Variants in RTKN2 observed in about 807,000 individuals in gnomAD.
RTKN2 encodes the protein rhotekin-2.
RTKN2 carries 69 observed loss-of-function variants against 71.5 expected under a neutral mutation model. The observed-to-expected ratio is 0.96, with a 90% CI of 0.79 to 1.18. The LOEUF (loss-of-function observed/expected upper bound fraction) is 1.18. RTKN2 is among the 50% of genes most tolerant of loss of function. RTKN2 has a pLI of 0.00. For missense variants in RTKN2, 724 were observed against 719.7 expected (o/e 1.01, Z -0.07); for synonymous variants, 236 against 236.5 (o/e 1.00, Z 0.02).
At chr10:62,257,363 A>C (rs887546435) in intron 2 of RTKN2, among the ~76,000 whole-genome samples, 12 of 152,352 alleles carry the variant, frequency 7.9e-5, no homozygotes, top group African/African-American at 2.9e-4. Flanking sequence ...TTTGGATGGT[A>C]CTAGAAGTAA....
downstream of RTKN2, among the ~76,000 whole-genome samples, chr10:62,192,950 G>A (rs796083533): frequency 3.3e-5 from 5 of 152,136 alleles, no homozygotes; most frequent in African/African-American, 1.2e-4. Context: ...GTATGAGTAT[G>A]TATGTATGTA....
chr10:62,262,491 A>G (rs1453758814), intron 2 of RTKN2, 134 bp downstream of exon 2: 2 of 585,442 alleles, frequency 3.4e-6, no homozygotes, highest in Non-Finnish European at 5.8e-6. Flanking sequence ...TTATGATGTC[A>G]GCTGCTACTT....
intron 2 of RTKN2, among the ~76,000 whole-genome samples, chr10:62,256,990 C>T (rs1334539145): frequency 6.6e-6 from 1 of 152,034 alleles, no homozygotes; most frequent in African/African-American, 2.4e-5. Flanking sequence ...ATAATTAACT[C>T]CTATTAAATT....
chr10:62,221,206 G>A (rs1841898438), intron 7 of RTKN2, among the ~76,000 whole-genome samples: 2 of 151,496 alleles, frequency 1.3e-5, no homozygotes, highest in African/African-American at 2.4e-5. Context: ...TTGTTCTAAA[G>A]TCCTTGCATT....
rs545281953 is a variant in RTKN2 at position 62,197,288 on chromosome 10, G to A, written c.*620C>T. On this transcript the variant is annotated 3_prime_UTR_variant, in exon 12 of 12. Coordinates refer to ENST00000373789, the MANE Select transcript of RTKN2 (RefSeq NM_145307.4). ...CAACAGTATTTCAGGGCTCATCAAG[G>A]AAACAAGTTTGAATAGCACATTACA... The A allele has an allele frequency of 2.0e-6, 2 of 985,568 alleles. No individual in the cohort carries two copies. Among genetic ancestry groups the A allele is most frequent in the East Asian group, 2.3e-4 (2 of 8,814 alleles). The allele number at this position is 985,568 out of a possible 1,614,324, so 61.1% of individuals were successfully genotyped here.
At chr10:62,225,887 T>C (rs1284366101) in intron 6 of RTKN2, among the ~76,000 whole-genome samples, 2 of 151,742 alleles carry the variant, frequency 1.3e-5, no homozygotes, top group African/African-American at 4.8e-5. Context: ...GTTCATGCCA[T>C]TCTCCTCCCT....
At chr10:62,244,949 T>C (rs1842449787) in intron 3 of RTKN2, among the ~76,000 whole-genome samples, 1 of 152,200 alleles carries the variant, frequency 6.6e-6, no homozygotes, top group Non-Finnish European at 1.5e-5. Flanking sequence ...TAGGTGACAG[T>C]ACCTCAAATG....
At chr10:62,188,938 G>A (rs1174935310), downstream of RTKN2, among the ~76,000 whole-genome samples, 2 of 151,524 alleles carry the variant, frequency 1.3e-5, no homozygotes, top group East Asian at 1.9e-4. Context: ...TAGTAGAGAC[G>A]GGGGATTCAC....
chr10:62,209,389 G>A (rs1841614216), intron 9 of RTKN2, among the ~76,000 whole-genome samples: 2 of 2,238 alleles, frequency 8.9e-4, no homozygotes, highest in South Asian at 0.018. Context: ...TGTCTATGGT[G>A]TGTGTGTGTG....
intron 9 of RTKN2, among the ~76,000 whole-genome samples, chr10:62,216,716 A>G (rs1388887974): frequency 6.6e-6 from 1 of 152,106 alleles, no homozygotes; most frequent in Non-Finnish European, 1.5e-5. Context: ...CAATCCCATA[A>G]GAAATCAGAA....
intron 9 of RTKN2, among the ~76,000 whole-genome samples, chr10:62,213,018 A>G (rs1435126550): frequency 6.6e-6 from 1 of 152,194 alleles, no homozygotes; most frequent in Non-Finnish European, 1.5e-5. Flanking sequence ...GATACCAAGT[A>G]TTTATCCTGC....
At chr10:62,209,316 A>G (rs923523544) in intron 9 of RTKN2, among the ~76,000 whole-genome samples, 12 of 152,030 alleles carry the variant, frequency 7.9e-5, no homozygotes, top group Non-Finnish European at 1.5e-4. Flanking sequence ...GTATGCAACT[A>G]GAAAAATCCA....
At position 62,196,229 on chromosome 10, in the gene RTKN2, G is replaced by A; in HGVS notation, c.*1679C>T. 1.0e-6 allele frequency: 1 copy of A among 973,010 alleles called. No homozygotes were observed. Among genetic ancestry groups the A allele is most frequent in the Non-Finnish European group, 1.2e-6 (1 of 818,818 alleles). The allele number at this position is 973,010 out of a possible 1,614,324, so 60.3% of individuals were successfully genotyped here. A position where few individuals can be genotyped will look rare whatever the true frequency, so the allele number is the denominator to read the frequency against. On this transcript the variant is annotated 3_prime_UTR_variant, in exon 12 of 12. Transcript: ENST00000373789. Reference sequence around the variant, plus strand: ...GATTTTTAATGTCATTTATTGAAATGGCAATCATAACAGAAACTTATGAGA... The same window carrying A: ...GATTTTTAATGTCATTTATTGAAATAGCAATCATAACAGAAACTTATGAGA...
In RTKN2 at chr10:62,194,052, C is replaced by T. The variant is rs941156311; in HGVS notation, c.*3856G>A. The stretch of plus-strand genomic sequence containing the variant: ...AAGTTTCAATTACATGACTTGGGCT[C>T]GCTTACCAAATACCTTTGGTACTTT... On this transcript the variant is annotated 3_prime_UTR_variant, in exon 12 of 12. Coordinates refer to ENST00000373789, the MANE Select transcript of RTKN2 (RefSeq NM_145307.4). The T allele has an allele frequency of 7.1e-6, 7 of 982,082 alleles. No individual in the cohort carries two copies. The African/African-American group carries it at 1.1e-4, about 15-fold the overall frequency. The allele number at this position is 982,082 out of a possible 1,614,324, so 60.8% of individuals were successfully genotyped here. A position where few individuals can be genotyped will look rare whatever the true frequency, so the allele number is the denominator to read the frequency against.
At chr10:62,261,185 T>C (rs1297784090) in intron 2 of RTKN2, among the ~76,000 whole-genome samples, 2 of 152,246 alleles carry the variant, frequency 1.3e-5, no homozygotes, top group East Asian at 1.9e-4. Flanking sequence ...ACAATTTCAT[T>C]GTATAATGCT....
chr10:62,222,026 T>C (rs1841919413), intron 7 of RTKN2, among the ~76,000 whole-genome samples: 1 of 152,128 alleles, frequency 6.6e-6, no homozygotes, highest in Non-Finnish European at 1.5e-5. Context: ...TTAAGAATAA[T>C]TAAATCAGTC....
chr10:62,194,219 CTT>C lies in RTKN2; in HGVS notation c.*3687_*3688del. The C allele has an allele frequency of 1.9e-5, 19 of 984,950 alleles. No individual in the cohort carries two copies. Among genetic ancestry groups the C allele is most frequent in the Non-Finnish European group, 2.3e-5 (19 of 829,532 alleles). 61.0% of individuals were successfully genotyped at this position (984,950 alleles called of 1,614,324 possible). On this transcript the variant is annotated 3_prime_UTR_variant, in exon 12 of 12. Transcript: ENST00000373789. ...AATATATTTTCAAATGATGACTTGT[CTT>C]TTAAAAACCCAAAGGTAACATCTTT...
chr10:62,190,377 T>G (rs887079259), downstream of RTKN2, among the ~76,000 whole-genome samples: 1 of 152,166 alleles, frequency 6.6e-6, no homozygotes, highest in South Asian at 2.1e-4. Context: ...GTTACTTAAT[T>G]GTTTTGTGCC....
chr10:62,236,445 T>C (rs1249659956), intron 5 of RTKN2, among the ~76,000 whole-genome samples, 182 bp from the exon 6 acceptor site: 2 of 151,970 alleles, frequency 1.3e-5, no homozygotes, highest in Non-Finnish European at 2.9e-5. Context: ...AGGCATGAGA[T>C]AAATTGTTGA....
Sources: gnomAD v4.1 joint callset for allele counts (sites outside exome capture counted in the v4.1 genomes callset) on GRCh38, gnomAD v4.1.1 for gene constraint, MANE v1.5 for transcripts, NCBI Gene and HGNC (gene_info 2026-07-23, HGNC 2026-07-21) for gene names.